The following CUBN variants were observed in gnomAD, a reference collection of about 807,000 sequenced individuals.
CUBN encodes 460 kDa receptor.
A neutral mutation model predicts 405.3 loss-of-function variants in CUBN; 282 were observed. The observed-to-expected ratio is 0.70, with a 90% CI of 0.63 to 0.77. The LOEUF is 0.77. Among genes scored for constraint, CUBN ranks in the 30% least tolerant of loss-of-function variants. The probability of loss-of-function intolerance (pLI) is 0.00; values close to 1 mark genes in which losing one functional copy is unlikely to be tolerated. For missense variants in CUBN, 4,514 were observed against 4,475.2 expected, an observed-to-expected ratio of 1.01 and a Z score of -0.25; for synonymous variants, 1,684 against 1,617.0, an observed-to-expected ratio of 1.04 and a Z score of -0.99.
At chr10:17,020,267 C>A (rs1834454917) in intron 27 of CUBN, among the ~76,000 whole-genome samples, 1 of 152,118 alleles carries the variant, frequency 6.6e-6, no homozygotes, top group African/African-American at 2.4e-5. Flanking sequence ...AATTCAGGCT[C>A]AGAATACGGA....
chr10:17,027,038 G>A (rs1450140307), intron 27 of CUBN, among the ~76,000 whole-genome samples: 1 of 152,226 alleles, frequency 6.6e-6, no homozygotes, highest in Non-Finnish European at 1.5e-5. Flanking sequence ...TTACAGGTCT[G>A]TCTCATATAA....
intron 28 of CUBN, among the ~76,000 whole-genome samples, chr10:17,001,109 T>C (rs1268773235): frequency 1.3e-5 from 2 of 152,124 alleles, no homozygotes; most frequent in African/African-American, 4.8e-5. Flanking sequence ...TTAAAGGTGG[T>C]GTGTGCAGAG....
At chr10:16,851,495 A>G (rs1839683673) in intron 59 of CUBN, 52 bp from the exon 60 acceptor site, 3 of 1,489,128 alleles carry the variant, frequency 2.0e-6, no homozygotes, top group Non-Finnish European at 2.8e-6. Context: ...CCGACCTTAC[A>G]TTGTACATGG....
chr10:17,112,866 C>T (rs148337645), intron 8 of CUBN, among the ~76,000 whole-genome samples: 104 of 152,264 alleles, frequency 6.8e-4, no homozygotes, highest in Non-Finnish European at 1.1e-3. Context: ...CTCAAGTTCT[C>T]ATATTGTAAA....
chr10:17,047,880 C>T (rs1202675840), intron 22 of CUBN, among the ~76,000 whole-genome samples: 1 of 152,002 alleles, frequency 6.6e-6, no homozygotes, highest in Non-Finnish European at 1.5e-5. Flanking sequence ...TTTTCTAATC[C>T]TTGCAAATTA....
In CUBN at chr10:16,829,140, C is replaced by T. The variant is rs1207538033; in HGVS notation, c.10529-100G>A. The stretch of plus-strand genomic sequence containing the variant: ...ACTTTATTTTCTTAAGGTGCTGAGA[C>T]TCTGCAAGAATAATGGAGGCAGAAA... On this transcript the variant is annotated intron_variant, in intron 65 of 66. Transcript: ENST00000377833. 2.5e-5 allele frequency: 21 copies of T among 840,588 alleles called. 1 individual carries two copies. The highest frequency in any genetic ancestry group is 2.4e-4 in the South Asian group (17 of 69,578). The allele number at this position is 840,588 out of a possible 1,614,324, so 52.1% of individuals were successfully genotyped here. A position where few individuals can be genotyped will look rare whatever the true frequency, so the allele number is the denominator to read the frequency against.
At chr10:17,015,276 G>A (rs949037239) in intron 28 of CUBN, among the ~76,000 whole-genome samples, 2 of 152,160 alleles carry the variant, frequency 1.3e-5, no homozygotes, top group Non-Finnish European at 2.9e-5. Flanking sequence ...TGTCCTTCCA[G>A]TGTCCAGACT....
chr10:16,923,014 T>C (rs1257126439), intron 43 of CUBN, among the ~76,000 whole-genome samples: 1 of 152,072 alleles, frequency 6.6e-6, no homozygotes, highest in Non-Finnish European at 1.5e-5. Context: ...CATGTTCAGC[T>C]ACTTTGAAAA....
chr10:16,939,888 T>C (rs2131606357), intron 37 of CUBN, 144 bp downstream of exon 37: 3 of 789,338 alleles, frequency 3.8e-6, no homozygotes, highest in Non-Finnish European at 6.4e-6. Context: ...TTTTCTAATA[T>C]GTTATAAGGT....
At chr10:17,067,952 T>C (rs1354192924) in intron 21 of CUBN, 112 bp downstream of exon 21, 49 of 809,142 alleles carry the variant, frequency 6.1e-5, no homozygotes, top group East Asian at 4.5e-4. Context: ...TTAAGAAGCA[T>C]GAGGATCTCA....
intron 31 of CUBN, among the ~76,000 whole-genome samples, chr10:16,976,372 A>G (rs912237959): frequency 2.6e-5 from 4 of 152,162 alleles, no homozygotes; most frequent in Non-Finnish European, 4.4e-5. Flanking sequence ...TGTCTTTAAA[A>G]AAATTTTTTT....
intron 49 of CUBN, among the ~76,000 whole-genome samples, chr10:16,907,055 C>A (rs1310382506): frequency 1.3e-5 from 2 of 152,276 alleles, no homozygotes; most frequent in East Asian, 1.9e-4. Context: ...TATTCTATAT[C>A]AAATCAAACC....
chr10:16,870,941 T>A (rs1840333164), intron 58 of CUBN, among the ~76,000 whole-genome samples: 1 of 152,208 alleles, frequency 6.6e-6, no homozygotes, highest in Admixed American at 6.5e-5. Flanking sequence ...TTTAGAGTTT[T>A]GTGGTGGGTT....
intron 48 of CUBN, among the ~76,000 whole-genome samples, chr10:16,908,899 G>A (rs1161923094): frequency 1.6e-5 from 2 of 125,690 alleles, no homozygotes; most frequent in Admixed American, 9.5e-5. Context: ...TTTTTGAGAC[G>A]GAGTCTCGCT....
chr10:16,987,258 C>T (rs1833453613), intron 29 of CUBN, among the ~76,000 whole-genome samples: 1 of 152,150 alleles, frequency 6.6e-6, no homozygotes, highest in Non-Finnish European at 1.5e-5. Flanking sequence ...GTACATGACT[C>T]TTCAAAAGAA....
intron 59 of CUBN, among the ~76,000 whole-genome samples, chr10:16,855,681 G>C (rs976854400): frequency 5.3e-5 from 8 of 152,148 alleles, no homozygotes; most frequent in Admixed American, 1.3e-4. Context: ...GGTAATAGCA[G>C]ACTAATACAC....
At chr10:17,114,268 C>G in intron 7 of CUBN, 79 bp from the exon 8 acceptor site, 1 of 1,416,748 alleles carries the variant, frequency 7.1e-7, no homozygotes, top group Non-Finnish European at 9.8e-7. Context: ...CATCAAGCCC[C>G]TAACTGTTTA....
At chr10:17,050,496 G>A (rs1163518310) in intron 22 of CUBN, among the ~76,000 whole-genome samples, 1 of 152,224 alleles carries the variant, frequency 6.6e-6, no homozygotes, top group East Asian at 1.9e-4. Context: ...AGAAGAAGAA[G>A]TATATAGAGA....
At chr10:16,825,674 T>TGTGTGTGTGTGTGTGTG (rs58497178) in intron 66 of CUBN, among the ~76,000 whole-genome samples, 4 of 133,994 alleles carry the variant, frequency 3.0e-5, no homozygotes, top group African/African-American at 1.2e-4. Flanking sequence ...TGTGTGTGTG[T>TGTGTGTGTGTGTGTGTG]TGGGGGGATA....
Sources: gnomAD v4.1 joint callset for allele counts (sites outside exome capture counted in the v4.1 genomes callset) on GRCh38, gnomAD v4.1.1 for gene constraint, MANE v1.5 for transcripts, NCBI Gene and HGNC (gene_info 2026-07-23, HGNC 2026-07-21) for gene names.